Variants in NELL1 observed in about 807,000 individuals in gnomAD.
The protein encoded by NELL1 is protein kinase C-binding protein NELL1.
NELL1 carries 76 observed loss-of-function variants against 107.4 expected under a neutral mutation model. The ratio of observed to expected loss-of-function variants is 0.71; its 90% CI spans 0.59 to 0.86. The LOEUF is 0.86. Ranked by LOEUF, NELL1 falls within the 40% of genes least tolerant of loss-of-function variation. The pLI, the probability that NELL1 is intolerant of heterozygous loss-of-function variation, is 0.00. For missense variants in NELL1, 1,024 were observed against 1,005.5 expected (o/e 1.02, Z -0.25); for synonymous variants, 353 against 341.2 (o/e 1.03, Z -0.38).
At chr11:21,519,958 T>G (rs1855676423) in intron 15 of NELL1, among the ~76,000 whole-genome samples, 1 of 152,168 alleles carries the variant, frequency 6.6e-6, no homozygotes, top group African/African-American at 2.4e-5. Flanking sequence ...TTAATTTACC[T>G]TCTTGACAAC....
chr11:21,187,784 C>G lies in NELL1; in HGVS notation c.1427-41548C>G, dbSNP rs16907639. 4.8e-3 allele frequency among the ~76,000 whole-genome samples: 725 copies of G among 151,806 alleles called. 26 individuals are homozygous for G. The highest frequency in any genetic ancestry group is 0.017 in the African/African-American group (699 of 41,152). On this transcript the variant is annotated intron_variant, in intron 13 of 19. Transcript: ENST00000357134. ...TCTACCCAATTTTCAGATTAAAAAG[C>G]TGAGGACCTGAAAGAGGACATGAAT...
At position 20,987,025 on chromosome 11, in the gene NELL1, T is replaced by C. The variant is rs568112699; in HGVS notation, c.1300+26465T>C. On this transcript the variant is annotated intron_variant, in intron 12 of 19. Transcript: ENST00000357134. Reference sequence around the variant, plus strand: ...CAGAAGAAAACTAAAAACTTCAGAATATCTAATGCAATTTTGCCTGGTACA... The same window carrying C: ...CAGAAGAAAACTAAAAACTTCAGAACATCTAATGCAATTTTGCCTGGTACA... Among the ~76,000 whole-genome samples the C allele has an allele frequency of 3.5e-4, 54 of 152,344 alleles. No homozygotes were observed. In the South Asian group the frequency reaches 0.011, roughly 30 times the overall value.
At chr11:20,996,993 C>G (rs1378763719) in intron 12 of NELL1, among the ~76,000 whole-genome samples, 1 of 151,946 alleles carries the variant, frequency 6.6e-6, no homozygotes, top group Non-Finnish European at 1.5e-5. Flanking sequence ...TTTTCCCTAC[C>G]CCATGAGCAT....
chr11:21,274,648 A>C (rs1219363021), intron 14 of NELL1, among the ~76,000 whole-genome samples: 2 of 152,214 alleles, frequency 1.3e-5, no homozygotes, highest in South Asian at 2.1e-4. Context: ...CTTAGTTGGA[A>C]GTAAAGCACT....
intron 13 of NELL1, among the ~76,000 whole-genome samples, chr11:21,116,514 G>A (rs778185460): frequency 2.0e-5 from 3 of 151,890 alleles, no homozygotes; most frequent in Non-Finnish European, 2.9e-5. Context: ...ATGCTTAGTA[G>A]GAATTTCATG....
At chr11:21,183,697 C>T (rs1856874598) in intron 13 of NELL1, among the ~76,000 whole-genome samples, 1 of 151,674 alleles carries the variant, frequency 6.6e-6, no homozygotes, top group African/African-American at 2.4e-5. Flanking sequence ...CATTTTGATC[C>T]CCCGTGTTAC....
intron 13 of NELL1, among the ~76,000 whole-genome samples, chr11:21,193,402 C>A (rs1306905781): frequency 6.6e-6 from 1 of 151,748 alleles, no homozygotes; most frequent in East Asian, 1.9e-4. Flanking sequence ...AGGACTGTGT[C>A]TGAATGCAGA....
intron 15 of NELL1, among the ~76,000 whole-genome samples, chr11:21,484,483 C>A: frequency 6.6e-6 from 1 of 151,920 alleles, no homozygotes; most frequent in East Asian, 1.9e-4. Flanking sequence ...TGTAATTTAA[C>A]CAACTCCCCA....
In NELL1 at chr11:21,273,066, G is replaced by A. The variant is rs1054922098; in HGVS notation, c.1549+43612G>A. The stretch of plus-strand genomic sequence containing the variant: ...AAGCTGGACGGAGAATGACTTTGAC[G>A]AGTTGAGAGAAGAAGGCTTCAGACG... On this transcript the variant is annotated intron_variant, in intron 14 of 19. Coordinates refer to ENST00000357134, the MANE Select transcript of NELL1 (RefSeq NM_006157.5). 5.9e-5 allele frequency among the ~76,000 whole-genome samples: 9 copies of A among 152,216 alleles called. 1 individual carries two copies. The highest frequency in any genetic ancestry group is 1.3e-4 in the Admixed American group (2 of 15,290).
At chr11:21,491,460 T>A (rs1854809323) in intron 15 of NELL1, among the ~76,000 whole-genome samples, 1 of 152,168 alleles carries the variant, frequency 6.6e-6, no homozygotes, top group Non-Finnish European at 1.5e-5. Context: ...AGGGAATCCT[T>A]TCCCCATTGC....
At chr11:21,497,375 A>T (rs998692161) in intron 15 of NELL1, among the ~76,000 whole-genome samples, 1 of 152,168 alleles carries the variant, frequency 6.6e-6, no homozygotes, top group Non-Finnish European at 1.5e-5. Flanking sequence ...TCCTCTGGTC[A>T]TATCCCAGTT....
intron 3 of NELL1, among the ~76,000 whole-genome samples, chr11:20,840,867 C>G (rs2134049113): frequency 6.6e-6 from 1 of 152,300 alleles, no homozygotes; most frequent in South Asian, 2.1e-4. Context: ...GTTTTCCCAA[C>G]AGAATATTAA....
At chr11:20,999,470 T>C (rs1410553771) in intron 12 of NELL1, among the ~76,000 whole-genome samples, 5 of 152,224 alleles carry the variant, frequency 3.3e-5, no homozygotes, top group African/African-American at 9.6e-5. Flanking sequence ...CTTCCACTCA[T>C]TGGGCAGAAA....
At chr11:20,838,447 G>T (rs1431663254) in intron 3 of NELL1, among the ~76,000 whole-genome samples, 2 of 151,106 alleles carry the variant, frequency 1.3e-5, no homozygotes, top group Non-Finnish European at 3.0e-5. Context: ...TTCTTAATAG[G>T]GCAGACTGGG....
intron 12 of NELL1, among the ~76,000 whole-genome samples, chr11:21,112,663 A>G (rs1041778272): frequency 1.3e-5 from 2 of 152,058 alleles, no homozygotes; most frequent in African/African-American, 4.8e-5. Context: ...CTTTACAGAT[A>G]TAAAACATTG....
intron 14 of NELL1, among the ~76,000 whole-genome samples, chr11:21,294,130 G>A (rs1849327514): frequency 6.6e-6 from 1 of 152,024 alleles, no homozygotes; most frequent in Non-Finnish European, 1.5e-5. Context: ...TGTTAACACA[G>A]TGCCAGTCAC....
At chr11:21,090,031 T>G (rs777497583) in intron 12 of NELL1, among the ~76,000 whole-genome samples, 1 of 152,202 alleles carries the variant, frequency 6.6e-6, no homozygotes, top group Non-Finnish European at 1.5e-5. Context: ...AGGCAGGGCT[T>G]CCTATGGACC....
intron 15 of NELL1, among the ~76,000 whole-genome samples, chr11:21,517,387 A>T (rs192959051): frequency 4.2e-4 from 64 of 152,304 alleles, no homozygotes; most frequent in African/African-American, 1.4e-3. Flanking sequence ...GACTGGGTAT[A>T]GTAATGATCT....
chr11:21,278,270 A>G (rs942773255), intron 14 of NELL1, among the ~76,000 whole-genome samples: 16 of 152,296 alleles, frequency 1.1e-4, no homozygotes, highest in East Asian at 3.9e-4. Context: ...TTTTCTTAGC[A>G]TAGTATTCTA....
Sources: gnomAD v4.1 joint callset for allele counts (sites outside exome capture counted in the v4.1 genomes callset) on GRCh38, gnomAD v4.1.1 for gene constraint, MANE v1.5 for transcripts, NCBI Gene and HGNC (gene_info 2026-07-23, HGNC 2026-07-21) for gene names.